The following CCDC69 variants were observed in gnomAD, a reference collection of about 807,000 sequenced individuals.
CCDC69 encodes coiled-coil domain containing 69, also known as coiled-coil domain-containing protein 69.
In CCDC69, 38 loss-of-function variants were observed where a neutral mutation model predicts 40.3. That is an observed-to-expected ratio of 0.94 (90% CI 0.73 to 1.24). The LOEUF is 1.24. CCDC69 is among the 50% of genes most tolerant of loss of function. The pLI is 0.00. For missense variants in CCDC69, 389 were observed against 357.9 expected (o/e 1.09, Z -0.70); for synonymous variants, 141 against 138.9 (o/e 1.02, Z -0.11).
intron 1 of CCDC69, chr5:151,215,553 G>C (rs1268345058): frequency 1.6e-5 from 5 of 321,038 alleles, no homozygotes; most frequent in Admixed American, 1.3e-4. Context: ...GGTCATGGAG[G>C]GGGCTTCTCT....
intron 1 of CCDC69, among the ~76,000 whole-genome samples, chr5:151,219,802 C>A (rs1045133452): frequency 6.6e-6 from 1 of 152,014 alleles, no homozygotes; most frequent in African/African-American, 2.4e-5. Flanking sequence ...AGAACAATTC[C>A]ATTTTTTAAT....
chr5:151,201,087 C>T (rs576154527), intron 3 of CCDC69, among the ~76,000 whole-genome samples: 1 of 152,272 alleles, frequency 6.6e-6, no homozygotes, highest in East Asian at 1.9e-4. Flanking sequence ...GCTCTGCTGC[C>T]AGGGATTATC....
intron 1 of CCDC69, among the ~76,000 whole-genome samples, chr5:151,220,298 A>G (rs1293945313): frequency 6.6e-6 from 1 of 152,182 alleles, no homozygotes; most frequent in Non-Finnish European, 1.5e-5. Flanking sequence ...TCTAATCTTT[A>G]GAACAACCCT....
Position 151,224,016 on chromosome 5 carries a change from C to T in CCDC69, c.-46G>A. The T allele has an allele frequency of 6.6e-7, 1 of 1,505,450 alleles. No individual in the cohort carries two copies. Among genetic ancestry groups the T allele is most frequent in the East Asian group, 2.7e-5 (1 of 37,054 alleles). 93.3% of individuals were successfully genotyped at this position (1,505,450 alleles called of 1,614,324 possible). On this transcript the variant is annotated 5_prime_UTR_variant, in exon 1 of 9. Transcript: ENST00000355417. ...ACGCCGCTTCCCAACTCCGGGGCCC[C>T]CAGAGGAGCCTGCGATCCGGGCCCC...
chr5:151,205,601 C>T lies in CCDC69; in HGVS notation c.49-126G>A, dbSNP rs562467391. The T allele has an allele frequency of 1.2e-4, 91 of 766,710 alleles. No individual in the cohort carries two copies. The African/African-American group carries it at 1.4e-3, about 12-fold the overall frequency. The allele number at this position is 766,710 out of a possible 1,614,324, so 47.5% of individuals were successfully genotyped here. On this transcript the variant is annotated intron_variant, in intron 1 of 8. Transcript: ENST00000355417. ...TTCAGTTACACCAGACCCTGCCCCACGCCTGCGCATTGGGCTGCCTCGCAG... is the reference window on the plus strand; with the variant it reads ...TTCAGTTACACCAGACCCTGCCCCATGCCTGCGCATTGGGCTGCCTCGCAG...
intron 1 of CCDC69, among the ~76,000 whole-genome samples, chr5:151,209,438 A>T (rs1192808433): frequency 1.3e-5 from 2 of 152,216 alleles, no homozygotes; most frequent in Non-Finnish European, 2.9e-5. Context: ...TTTTCCACAA[A>T]CAGCTTTCAG....
chr5:151,192,116 G>GAAAAAAAAAAAAAAAAAAAAAAAAAAA (rs1224418046), intron 4 of CCDC69, among the ~76,000 whole-genome samples: 1 of 69,352 alleles, frequency 1.4e-5, no homozygotes, highest in African/African-American at 5.4e-5. Context: ...AGAATGAAAA[G>GAAAAAAAAAAAAAAAAAAAAAAAAAAA]AAATAAAAAA....
At chr5:151,203,994 G>A (rs1309202896) in intron 2 of CCDC69, among the ~76,000 whole-genome samples, 1 of 148,890 alleles carries the variant, frequency 6.7e-6, no homozygotes, top group Non-Finnish European at 1.5e-5. Context: ...TTGGTCTGTG[G>A]TAGGTCCCTA....
chr5:151,222,109 G>C (rs1281692721), intron 1 of CCDC69, among the ~76,000 whole-genome samples: 1 of 152,240 alleles, frequency 6.6e-6, no homozygotes, highest in African/African-American at 2.4e-5. Flanking sequence ...TGGAGACAAA[G>C]AACACGGAGC....
At chr5:151,206,420 C>T (rs1752853691) in intron 1 of CCDC69, among the ~76,000 whole-genome samples, 1 of 152,186 alleles carries the variant, frequency 6.6e-6, no homozygotes, top group South Asian at 2.1e-4. Context: ...ATTTGACATT[C>T]TAGTCCCTCT....
chr5:151,183,323 C>T lies in CCDC69; in HGVS notation c.*114G>A, dbSNP rs1766671110. On this transcript the variant is annotated 3_prime_UTR_variant, in exon 9 of 9. Coordinates refer to ENST00000355417, the MANE Select transcript of CCDC69 (RefSeq NM_015621.3). ...GCACACACCCAGGATCTCCATCTCG[C>T]TCCCACCCTCGTTCCTTCCTGGAAA... 1.6e-6 allele frequency: 2 copies of T among 1,218,886 alleles called. No individual in the cohort carries two copies. Among genetic ancestry groups the T allele is most frequent in the East Asian group, 2.5e-5 (1 of 39,468 alleles). The allele number at this position is 1,218,886 out of a possible 1,614,324, so 75.5% of individuals were successfully genotyped here. A position where few individuals can be genotyped will look rare whatever the true frequency, so the allele number is the denominator to read the frequency against.
Position 151,223,978 on chromosome 5 carries a change from C to T in CCDC69, c.-8G>A. 4 of 1,553,510 alleles carry T rather than the reference C, an allele frequency of 2.6e-6. No homozygotes were observed. The highest frequency in any genetic ancestry group is 3.5e-6 in the Non-Finnish European group (4 of 1,156,132). ...GCTGTGTCTGCAGCCCATCCTCCTC[C>T]GGGGGCTCCCGGACGCCGCTTCCCA... On this transcript the variant is annotated 5_prime_UTR_variant, in exon 1 of 9. Coordinates refer to ENST00000355417, the MANE Select transcript of CCDC69 (RefSeq NM_015621.3).
intron 1 of CCDC69, among the ~76,000 whole-genome samples, chr5:151,216,271 T>C (rs1753038482): frequency 6.6e-6 from 1 of 151,762 alleles, no homozygotes; most frequent in Non-Finnish European, 1.5e-5. Context: ...CTATTACTAA[T>C]GATAAAAAAA....
At chr5:151,186,553 T>C (rs1231434506) in intron 5 of CCDC69, among the ~76,000 whole-genome samples, 3 of 151,988 alleles carry the variant, frequency 2.0e-5, no homozygotes, top group Non-Finnish European at 4.4e-5. Flanking sequence ...CAGGGAACAA[T>C]GTCCTGCTAT....
At chr5:151,186,238 T>C (rs1390927275) in intron 5 of CCDC69, 114 bp from the exon 6 acceptor site, 7 of 755,880 alleles carry the variant, frequency 9.3e-6, no homozygotes, top group Admixed American at 1.9e-5. Flanking sequence ...TGTCTTTGGC[T>C]ACTCTACATG....
intron 7 of CCDC69, chr5:151,184,859 G>C (rs1455885557): frequency 6.2e-6 from 1 of 161,782 alleles, no homozygotes; most frequent in African/African-American, 2.4e-5. Flanking sequence ...TCCATGTCAC[G>C]TGACTCAAGC....
intron 4 of CCDC69, among the ~76,000 whole-genome samples, chr5:151,198,291 G>GATCTATCTATCTATCTATCT (rs56093424): frequency 1.4e-5 from 2 of 141,718 alleles, no homozygotes; most frequent in African/African-American, 2.6e-5. Context: ...GAATGAGATT[G>GATCTATCTATCTATCTATCT]ATCTATCTAT....
At position 151,216,526 on chromosome 5, in the gene CCDC69, C is replaced by T. The variant is rs560947153; in HGVS notation, c.48+7397G>A. On this transcript the variant is annotated intron_variant, in intron 1 of 8. Coordinates refer to ENST00000355417, the MANE Select transcript of CCDC69 (RefSeq NM_015621.3). ...CTGCCTCCCAGGTTCCAGCGATTCT[C>T]CTGCCTCAGCCTCCTGGGTAGCTGA... Among the ~76,000 whole-genome samples, 591 of 150,512 alleles carry T rather than the reference C, an allele frequency of 3.9e-3. 3 individuals carry two copies. Among genetic ancestry groups the T allele is most frequent in the Non-Finnish European group, 6.4e-3 (431 of 67,856 alleles).
intron 4 of CCDC69, among the ~76,000 whole-genome samples, chr5:151,194,555 A>C (rs248445): frequency 0.77 from 117,647 of 152,080 alleles, 45,907 homozygotes; most frequent in Admixed American, 0.86. Flanking sequence ...GCTTTTTGGG[A>C]GTGATAAAAC....
Sources: gnomAD v4.1 joint callset for allele counts (sites outside exome capture counted in the v4.1 genomes callset) on GRCh38, gnomAD v4.1.1 for gene constraint, MANE v1.5 for transcripts, NCBI Gene and HGNC (gene_info 2026-07-23, HGNC 2026-07-21) for gene names.